SRSF10: variants seen among roughly 807,000 people sequenced by gnomAD.
SRSF10 encodes serine and arginine rich splicing factor 10.
In SRSF10, 9 loss-of-function variants were observed where a neutral mutation model predicts 32.6. That is an observed-to-expected ratio of 0.28 (90% CI 0.17 to 0.48). SRSF10 has a LOEUF of 0.48. Ranked by LOEUF, SRSF10 falls within the 20% of genes least tolerant of loss-of-function variation. SRSF10 has a pLI of 0.99. For synonymous variants in SRSF10, 105 were observed against 112.4 expected, an observed-to-expected ratio of 0.93 and a Z score of 0.42; for missense variants, 201 against 331.8, an observed-to-expected ratio of 0.61 and a Z score of 3.06.
chr1:23,974,552 G>A (rs2148506253), intron 3 of SRSF10, among the ~76,000 whole-genome samples: 1 of 152,324 alleles, frequency 6.6e-6, no homozygotes, highest in East Asian at 1.9e-4. Context: ...GCCAGGCACA[G>A]TAGCTCACGC....
intron 3 of SRSF10, among the ~76,000 whole-genome samples, chr1:23,973,951 T>C (rs1641923245): frequency 2.0e-5 from 3 of 151,862 alleles, no homozygotes. Flanking sequence ...TTCCAATAGT[T>C]TGCATTGAGT....
In SRSF10 at chr1:23,970,683, T is replaced by C; in HGVS notation, c.*459A>G. The stretch of plus-strand genomic sequence containing the variant: ...CGGGCCTAGACATCTTGACAAGACA[T>C]AAAGGTCCACCCTGAACCTAAATGT... On this transcript the variant is annotated 3_prime_UTR_variant, in exon 6 of 6. Coordinates refer to ENST00000492112, the MANE Select transcript of SRSF10 (RefSeq NM_054016.4). The C allele has an allele frequency of 1.0e-6, 1 of 987,470 alleles. No homozygotes were observed. The highest frequency in any genetic ancestry group is 4.7e-5 in the South Asian group (1 of 21,406). 61.2% of individuals were successfully genotyped at this position (987,470 alleles called of 1,614,324 possible). A position where few individuals can be genotyped will look rare whatever the true frequency, so the allele number is the denominator to read the frequency against.
Position 23,964,601 on chromosome 1 carries a change from C to T in SRSF10, c.*6541G>A, listed in dbSNP as rs1641365663. ...CTTAAAATAAATACTAATAAACTAT[C>T]CTCTTCCCTAGAACTACAACACAGG... On this transcript the variant is annotated 3_prime_UTR_variant, in exon 6 of 6. Coordinates refer to ENST00000492112, the MANE Select transcript of SRSF10 (RefSeq NM_054016.4). 5.9e-5 allele frequency among the ~76,000 whole-genome samples: 9 copies of T among 151,976 alleles called. No homozygotes were observed.
chr1:23,971,764 T>C, intron 4 of SRSF10, 86 bp downstream of exon 4: 1 of 1,499,242 alleles, frequency 6.7e-7, no homozygotes, highest in Non-Finnish European at 9.1e-7. Context: ...ATGTATATAA[T>C]TAAAAGTATA....
chr1:23,978,616 G>T (rs962767014), intron 2 of SRSF10, 97 bp downstream of exon 2: 2 of 1,414,958 alleles, frequency 1.4e-6, no homozygotes, highest in Non-Finnish European at 1.9e-6. Context: ...ATTTATTAGA[G>T]GACAAAAAGA....
At position 23,970,694 on chromosome 1, in the gene SRSF10, C is replaced by T. The variant is rs1401830131; in HGVS notation, c.*448G>A. ...ATCTTGACAAGACATAAAGGTCCAC[C>T]CTGAACCTAAATGTGTCTGAGCAGT... On this transcript the variant is annotated 3_prime_UTR_variant, in exon 6 of 6. Coordinates refer to ENST00000492112, the MANE Select transcript of SRSF10 (RefSeq NM_054016.4). The T allele has an allele frequency of 3.3e-5, 33 of 988,690 alleles. No homozygotes were observed. Among genetic ancestry groups the T allele is most frequent in the East Asian group, 1.1e-4 (1 of 8,880 alleles). 61.2% of individuals were successfully genotyped at this position (988,690 alleles called of 1,614,324 possible).
Position 23,965,672 on chromosome 1 carries a change from A to T in SRSF10, c.*5470T>A, listed in dbSNP as rs1436447525. On this transcript the variant is annotated 3_prime_UTR_variant, in exon 6 of 6. Transcript: ENST00000492112. ...ATAGAGAGAAACAACCACAGAAGAG[A>T]TCCTAAAGCAATTCATTCAACAGAT... The T allele has an allele frequency of 6.6e-6, 1 of 151,974 alleles. No individual in the cohort carries two copies. The highest frequency in any genetic ancestry group is 6.6e-5 in the Admixed American group (1 of 15,250). 9.4% of individuals were successfully genotyped at this position (151,974 alleles called of 1,614,324 possible).
chr1:23,971,461 ATAAT>A (rs1023976299), intron 5 of SRSF10, 22 bp from the exon 6 acceptor site: 282 of 1,593,792 alleles, frequency 1.8e-4, no homozygotes, highest in Non-Finnish European at 2.3e-4. Flanking sequence ...GAGGAGAGAT[ATAAT>A]TAGAGTAAAA....
At chr1:23,979,054 C>CGTT (rs1553149947) in intron 1 of SRSF10, 1 of 44,806 alleles carries the variant, frequency 2.2e-5, no homozygotes, top group Admixed American at 2.9e-4. Flanking sequence ...GTATATAAGC[C>CGTT]TTGTTTTTTT....
At chr1:23,980,119 G>A (rs1642373162) in intron 1 of SRSF10, 72 bp downstream of exon 1, 1 of 1,451,966 alleles carries the variant, frequency 6.9e-7, no homozygotes, top group African/African-American at 1.5e-5. Flanking sequence ...GCCCAGTGCC[G>A]CCACCACCAG....
Position 23,970,312 on chromosome 1 carries a change from A to G in SRSF10, c.*830T>C, listed in dbSNP as rs1641668381. On this transcript the variant is annotated 3_prime_UTR_variant, in exon 6 of 6. Transcript: ENST00000492112. The stretch of plus-strand genomic sequence containing the variant: ...TCCCCAAGACAGTGGGGTTAACAAA[A>G]GAACTAATCCACACTGCATCAAAAA... 1.0e-6 allele frequency: 1 copy of G among 985,128 alleles called. No homozygotes were observed. The highest frequency in any genetic ancestry group is 1.2e-6 in the Non-Finnish European group (1 of 829,908). 61.0% of individuals were successfully genotyped at this position (985,128 alleles called of 1,614,324 possible).
chr1:23,964,869 A>G lies in SRSF10; in HGVS notation c.*6273T>C, dbSNP rs1295065562. On this transcript the variant is annotated 3_prime_UTR_variant, in exon 6 of 6. Coordinates refer to ENST00000492112, the MANE Select transcript of SRSF10 (RefSeq NM_054016.4). The stretch of plus-strand genomic sequence containing the variant: ...CATTCAAAGAAATGTGATCTGCAAA[A>G]AACTAGATACAAAGGCCTTTTACTT... 6.6e-6 allele frequency: 1 copy of G among 151,970 alleles called. No individual in the cohort carries two copies. Among genetic ancestry groups the G allele is most frequent in the African/African-American group, 2.4e-5 (1 of 41,440 alleles). 9.4% of individuals were successfully genotyped at this position (151,970 alleles called of 1,614,324 possible).
intron 3 of SRSF10, among the ~76,000 whole-genome samples, chr1:23,974,497 T>C (rs1433028335): frequency 6.6e-6 from 1 of 152,196 alleles, no homozygotes; most frequent in African/African-American, 2.4e-5. Context: ...GAACACATGA[T>C]GAAATATTCA....
At position 23,964,487 on chromosome 1, in the gene SRSF10, A is replaced by C. The variant is rs1203179256; in HGVS notation, c.*6655T>G. ...GCTGCTGAAGTCAGCCATACTGTGAACCTTAGGTAAATGCTGTAATTTCAA... is the reference window on the plus strand; with the variant it reads ...GCTGCTGAAGTCAGCCATACTGTGACCCTTAGGTAAATGCTGTAATTTCAA... On this transcript the variant is annotated 3_prime_UTR_variant, in exon 6 of 6. Coordinates refer to ENST00000492112, the MANE Select transcript of SRSF10 (RefSeq NM_054016.4). Among the ~76,000 whole-genome samples, 1 of 152,008 alleles carries C rather than the reference A, an allele frequency of 6.6e-6. No homozygotes were observed. The highest frequency in any genetic ancestry group is 1.5e-5 in the Non-Finnish European group (1 of 67,872).
intron 1 of SRSF10, 41 bp downstream of exon 1, chr1:23,980,150 G>C: frequency 6.6e-7 from 1 of 1,525,084 alleles, no homozygotes; most frequent in South Asian, 1.2e-5. Flanking sequence ...AGGCGCCTGC[G>C]GCCTCCCCGC....
At chr1:23,972,129 A>C in intron 3 of SRSF10, 117 bp from the exon 4 acceptor site, 1 of 896,534 alleles carries the variant, frequency 1.1e-6, no homozygotes, top group Non-Finnish European at 1.5e-6. Context: ...AGTATGTATG[A>C]CCCGGGTGGT....
rs371489733 is a variant in SRSF10, at chr1:23,966,306, C to T, written c.*4836G>A. ...TGCTACAAATTAAAAGCTTAAATTCCACTTCCAGATTTTTAGTTAATTTTA... is the reference window on the plus strand; with the variant it reads ...TGCTACAAATTAAAAGCTTAAATTCTACTTCCAGATTTTTAGTTAATTTTA... On this transcript the variant is annotated 3_prime_UTR_variant, in exon 6 of 6. Transcript: ENST00000492112. 1 of 151,812 alleles carries T rather than the reference C, an allele frequency of 6.6e-6. No homozygotes were observed. Among genetic ancestry groups the T allele is most frequent in the Non-Finnish European group, 1.5e-5 (1 of 67,770 alleles). 9.4% of individuals were successfully genotyped at this position (151,812 alleles called of 1,614,324 possible). A position where few individuals can be genotyped will look rare whatever the true frequency, so the allele number is the denominator to read the frequency against.
At chr1:23,980,062 C>T in intron 1 of SRSF10, 129 bp downstream of exon 1, 1 of 1,074,324 alleles carries the variant, frequency 9.3e-7, no homozygotes, top group Non-Finnish European at 1.3e-6. Context: ...TAGTTCGGCG[C>T]CAAAGCGGGC....
intron 3 of SRSF10, among the ~76,000 whole-genome samples, chr1:23,972,960 G>A (rs1641862863): frequency 6.6e-6 from 1 of 152,020 alleles, no homozygotes; most frequent in Non-Finnish European, 1.5e-5. Context: ...GGCTGGACTT[G>A]AACTCCTGAC....
Sources: gnomAD v4.1 joint callset for allele counts (sites outside exome capture counted in the v4.1 genomes callset) on GRCh38, gnomAD v4.1.1 for gene constraint, MANE v1.5 for transcripts, NCBI Gene and HGNC (gene_info 2026-07-23, HGNC 2026-07-21) for gene names.